Variants in ORAI3 observed in about 807,000 individuals in gnomAD.
ORAI3 encodes the protein ORAI calcium release-activated calcium modulator 3, also known as protein orai-3.
A neutral mutation model predicts 17.2 loss-of-function variants in ORAI3; 15 were observed. The observed-to-expected ratio is 0.87, with a 90% CI of 0.58 to 1.34. The LOEUF is 1.34. ORAI3 is among the 40% of genes most tolerant of loss of function. The pLI is 0.00. For missense variants in ORAI3, 405 were observed against 396.7 expected (o/e 1.02, Z -0.18); for synonymous variants, 178 against 172.4 (o/e 1.03, Z -0.25).
chr16:30,953,890 G>A lies in ORAI3; in HGVS notation c.*46G>A. The A allele has an allele frequency of 6.4e-7, 1 of 1,571,006 alleles. No individual in the cohort carries two copies. The highest frequency in any genetic ancestry group is 1.3e-5 in the African/African-American group (1 of 74,090). On this transcript the variant is annotated 3_prime_UTR_variant, in exon 2 of 2. Transcript: ENST00000318663. ...CACTGCAAGCACTGCCTCCCTCCGGGGTCTGTAAGAGGCCGCAGGGGCCTA... is the reference window on the plus strand; with the variant it reads ...CACTGCAAGCACTGCCTCCCTCCGGAGTCTGTAAGAGGCCGCAGGGGCCTA...
intron 1 of ORAI3, 39 bp from the exon 2 acceptor site, chr16:30,953,146 G>A (rs756548522): frequency 1.3e-6 from 2 of 1,537,802 alleles, no homozygotes; most frequent in South Asian, 1.3e-5. Context: ...TACAGTTGAG[G>A]TTATGGGGAG....
chr16:30,949,261 T>C lies in ORAI3; in HGVS notation c.-29T>C. ...CCCCCGAGGCGCTTCCGCCCCGTAG[T>C]GACCGCCTGGTGCCGCCCCCCCCCC... On this transcript the variant is annotated 5_prime_UTR_variant, in exon 1 of 2. Coordinates refer to ENST00000318663, the MANE Select transcript of ORAI3 (RefSeq NM_152288.3). 7.3e-7 allele frequency: 1 copy of C among 1,373,984 alleles called. No homozygotes were observed. Among genetic ancestry groups the C allele is most frequent in the Non-Finnish European group, 9.4e-7 (1 of 1,067,052 alleles). 85.1% of individuals were successfully genotyped at this position (1,373,984 alleles called of 1,614,324 possible). A position where few individuals can be genotyped will look rare whatever the true frequency, so the allele number is the denominator to read the frequency against.
At position 30,949,453 on chromosome 16, in the gene ORAI3, A is replaced by T; in HGVS notation, c.164A>T (p.Tyr55Phe). ...SLRALSWRRLYLSRAKLKASS... is the reference protein window; with the variant it reads ...SLRALSWRRLFLSRAKLKASS... ...CGGGCGCTCAGCTGGCGCCGCCTCT[A>T]CCTCAGCCGGGCCAAGCTCAAAGCT... Residue 55 changes from tyrosine (Y) to phenylalanine (F), a missense_variant, in exon 1 of 2, where the codon TAC becomes TTC. Tyr to Phe is a conservative substitution (Grantham distance 22). Coordinates refer to ENST00000318663, the MANE Select transcript of ORAI3 (RefSeq NM_152288.3). The T allele has an allele frequency of 6.2e-7, 1 of 1,605,294 alleles. No individual in the cohort carries two copies. The highest frequency in any genetic ancestry group is 8.5e-7 in the Non-Finnish European group (1 of 1,177,736).
At chr16:30,949,738 T>C in intron 1 of ORAI3, 1 of 539,284 alleles carries the variant, frequency 1.9e-6, no homozygotes, top group Non-Finnish European at 3.3e-6. Flanking sequence ...ACGAAAGTCC[T>C]AAAGGTGTCG....
Position 30,954,461 on chromosome 16 carries a change from C to G in ORAI3, c.*617C>G, listed in dbSNP as rs867157699. ...AACTCCTGGGCTCAAGTGAACCTCC[C>G]GCCTCGGCCTCCCAAAGTGCTGGGA... is the stretch of plus-strand genomic sequence containing the variant. On this transcript the variant is annotated 3_prime_UTR_variant, in exon 2 of 2. Coordinates refer to ENST00000318663, the MANE Select transcript of ORAI3 (RefSeq NM_152288.3). The G allele has an allele frequency of 4.3e-6, 1 of 233,218 alleles. No individual in the cohort carries two copies. Among genetic ancestry groups the G allele is most frequent in the Admixed American group, 5.3e-5 (1 of 18,880 alleles). The allele number at this position is 233,218 out of a possible 1,614,324, so 14.4% of individuals were successfully genotyped here. A position where few individuals can be genotyped will look rare whatever the true frequency, so the allele number is the denominator to read the frequency against.
At chr16:30,952,045 C>A (rs559953199) in intron 1 of ORAI3, among the ~76,000 whole-genome samples, 29 of 152,208 alleles carry the variant, frequency 1.9e-4, no homozygotes, top group African/African-American at 6.7e-4. Flanking sequence ...CTGTGCCTGG[C>A]ACTGTTCTTT....
In ORAI3 at chr16:30,954,305, C is replaced by T; in HGVS notation, c.*461C>T. 10 of 581,704 alleles carry T rather than the reference C, an allele frequency of 1.7e-5. No individual in the cohort carries two copies. Among genetic ancestry groups the T allele is most frequent in the Non-Finnish European group, 2.8e-5 (9 of 326,532 alleles). The allele number at this position is 581,704 out of a possible 1,614,324, so 36.0% of individuals were successfully genotyped here. Reference sequence around the variant, plus strand: ...CAGTCACAGCTCACTGTAGCCTCGACCTTCCAGGCTCAAAAGATGCTCCCA... The same window carrying T: ...CAGTCACAGCTCACTGTAGCCTCGATCTTCCAGGCTCAAAAGATGCTCCCA... On this transcript the variant is annotated 3_prime_UTR_variant, in exon 2 of 2. Transcript: ENST00000318663.
chr16:30,954,883 T>C lies in ORAI3; in HGVS notation c.*1039T>C, dbSNP rs1427990572. On this transcript the variant is annotated 3_prime_UTR_variant, in exon 2 of 2. Transcript: ENST00000318663. ...CCTTAGCCCTTGAAATACAAAGCTC[T>C]TCTGACACTGAATTTGGATGCACCT... is the stretch of plus-strand genomic sequence containing the variant. The C allele has an allele frequency of 6.6e-6, 1 of 152,384 alleles. No homozygotes were observed. Among genetic ancestry groups the C allele is most frequent in the East Asian group, 1.9e-4 (1 of 5,190 alleles). 9.4% of individuals were successfully genotyped at this position (152,384 alleles called of 1,614,324 possible). A position where few individuals can be genotyped will look rare whatever the true frequency, so the allele number is the denominator to read the frequency against.
chr16:30,954,030 T>C lies in ORAI3; in HGVS notation c.*186T>C. 1.4e-6 allele frequency: 1 copy of C among 727,358 alleles called. No individual in the cohort carries two copies. Among genetic ancestry groups the C allele is most frequent in the South Asian group, 1.5e-5 (1 of 68,116 alleles). The allele number at this position is 727,358 out of a possible 1,614,324, so 45.1% of individuals were successfully genotyped here. ...GCTGGGCCTTGGGGCAGCTCCCACA[T>C]TCCCAGGGATTTTCCCCATCAGTCT... On this transcript the variant is annotated 3_prime_UTR_variant, in exon 2 of 2. Transcript: ENST00000318663.
rs978757185 is a variant in ORAI3, at chr16:30,954,886, T to C, written c.*1042T>C. On this transcript the variant is annotated 3_prime_UTR_variant, in exon 2 of 2. Transcript: ENST00000318663. Reference sequence around the variant, plus strand: ...TAGCCCTTGAAATACAAAGCTCTTCTGACACTGAATTTGGATGCACCTTGT... The same window carrying C: ...TAGCCCTTGAAATACAAAGCTCTTCCGACACTGAATTTGGATGCACCTTGT... 1 of 152,254 alleles carries C rather than the reference T, an allele frequency of 6.6e-6. No homozygotes were observed. The highest frequency in any genetic ancestry group is 1.5e-5 in the Non-Finnish European group (1 of 68,046). The allele number at this position is 152,254 out of a possible 1,614,324, so 9.4% of individuals were successfully genotyped here.
Position 30,954,410 on chromosome 16 carries a change from G to C in ORAI3, c.*566G>C, listed in dbSNP as rs528228161. 4 of 343,980 alleles carry C rather than the reference G, an allele frequency of 1.2e-5. No homozygotes were observed. In the East Asian group the frequency reaches 2.4e-4, roughly 21 times the overall value. 21.3% of individuals were successfully genotyped at this position (343,980 alleles called of 1,614,324 possible). The stretch of plus-strand genomic sequence containing the variant: ...CGACTAATTTTTTTGTAGAGACGGG[G>C]TTTCGCTGTTCCCAGGCTGGTCTCA... On this transcript the variant is annotated 3_prime_UTR_variant, in exon 2 of 2. Transcript: ENST00000318663.
chr16:30,952,135 T>C (rs1484719001), intron 1 of ORAI3, among the ~76,000 whole-genome samples: 3 of 149,518 alleles, frequency 2.0e-5, no homozygotes, highest in African/African-American at 7.4e-5. Context: ...TTTCTTTTTT[T>C]TTTTTTTTTG....
Position 30,949,069 on chromosome 16 carries a change from G to A in ORAI3, c.-221G>A. The A allele has an allele frequency of 2.3e-6, 1 of 436,406 alleles. No homozygotes were observed. The highest frequency in any genetic ancestry group is 4.0e-6 in the Non-Finnish European group (1 of 249,630). 27.0% of individuals were successfully genotyped at this position (436,406 alleles called of 1,614,324 possible). On this transcript the variant is annotated 5_prime_UTR_variant, in exon 1 of 2. Coordinates refer to ENST00000318663, the MANE Select transcript of ORAI3 (RefSeq NM_152288.3). ...TAGCCCCGGCTCCGCCTCTGTCCCA[G>A]TTCCTGTTTTGGCCTCCGCTGTCCC... is the stretch of plus-strand genomic sequence containing the variant.
At chr16:30,950,898 G>T (rs777654341) in intron 1 of ORAI3, among the ~76,000 whole-genome samples, 15 of 152,204 alleles carry the variant, frequency 9.9e-5, no homozygotes, top group Non-Finnish European at 1.8e-4. Context: ...GGTGCAGGTT[G>T]CTGGGGTGAC....
At position 30,949,483 on chromosome 16, in the gene ORAI3, G is replaced by T. The variant is rs757904484; in HGVS notation, c.194G>T (p.Ser65Ile). The change falls in exon 1 of 2, where the codon AGC (serine) becomes ATC (isoleucine). Residue 65 changes from serine to isoleucine, a missense_variant. Physicochemically the swap from Ser to Ile is moderately radical, Grantham distance 142 (BLOSUM62 -2). Coordinates refer to ENST00000318663, the MANE Select transcript of ORAI3 (RefSeq NM_152288.3). ...YLSRAKLKAS[S>I]RTSALLSGFA... ...AGCCGGGCCAAGCTCAAAGCTTCCA[G>T]CCGCACGTCTGCCTTGCTCTCGGGC... The T allele has an allele frequency of 6.2e-7, 1 of 1,600,300 alleles. No homozygotes were observed. The highest frequency in any genetic ancestry group is 1.1e-5 in the South Asian group (1 of 90,300).
At chr16:30,949,803 G>C (rs969988758) in intron 1 of ORAI3, 68 of 413,120 alleles carry the variant, frequency 1.6e-4, no homozygotes, top group African/African-American at 1.4e-3. Context: ...CAGTGAGGCA[G>C]AGTGGTCCAG....
intron 1 of ORAI3, 75 bp downstream of exon 1, chr16:30,949,592 A>C: frequency 4.4e-6 from 4 of 903,962 alleles, no homozygotes; most frequent in Middle Eastern, 2.9e-4. Flanking sequence ...GGGCGAAGTA[A>C]ACAGGTCCCA....
rs1461689589 is a variant in ORAI3 at position 30,953,468 on chromosome 16, G to A, written c.512G>A (p.Trp171Ter). The change falls in exon 2 of 2, where the codon TGG becomes TAG. Residue 171 changes from tryptophan to a stop codon, truncating the protein, a stop_gained. Transcript: ENST00000318663. LOFTEE classifies it high-confidence loss of function. ...CTTGCTGAAGTTGTCCTGGTTGGTT[G>A]GGTCAAGTTTGTGCCCATTGGGGCT... ...LFLAEVVLVGWVKFVPIGAPL... is the reference protein window; with the variant it reads ...LFLAEVVLVG The A allele has an allele frequency of 2.5e-6, 4 of 1,614,116 alleles. No homozygotes were observed. Among genetic ancestry groups the A allele is most frequent in the Non-Finnish European group, 3.4e-6 (4 of 1,180,044 alleles).
chr16:30,953,959 GC>G lies in ORAI3; in HGVS notation c.*117del. On this transcript the variant is annotated 3_prime_UTR_variant, in exon 2 of 2. Coordinates refer to ENST00000318663, the MANE Select transcript of ORAI3 (RefSeq NM_152288.3). ...CCCCTGGCTGGAGCCACTTCCAGTG[GC>G]CACTCTCAGGCAGAGTTCAGATTCC... 1.7e-6 allele frequency: 2 copies of G among 1,177,052 alleles called. No homozygotes were observed. The highest frequency in any genetic ancestry group is 2.4e-6 in the Non-Finnish European group (2 of 818,214). 72.9% of individuals were successfully genotyped at this position (1,177,052 alleles called of 1,614,324 possible). A position where few individuals can be genotyped will look rare whatever the true frequency, so the allele number is the denominator to read the frequency against.
Sources: gnomAD v4.1 joint callset for allele counts (sites outside exome capture counted in the v4.1 genomes callset) on GRCh38, gnomAD v4.1.1 for gene constraint, MANE v1.5 for transcripts, NCBI Gene and HGNC (gene_info 2026-07-23, HGNC 2026-07-21) for gene names.